LSAMP: variants seen among roughly 807,000 people sequenced by gnomAD.
LSAMP encodes limbic system-associated membrane protein.
LSAMP carries 7 observed loss-of-function variants against 38.6 expected under a neutral mutation model. The observed-to-expected ratio is 0.18, with a 90% CI of 0.10 to 0.34. LSAMP has a LOEUF of 0.34. Among genes scored for constraint, LSAMP ranks in the 10% least tolerant of loss-of-function variants. The pLI, the probability that LSAMP is intolerant of heterozygous loss-of-function variation, is 1.00. For synonymous variants in LSAMP, 154 were observed against 166.8 expected (o/e 0.92, Z 0.59); for missense variants, 313 against 420.0 (o/e 0.75, Z 2.23).
chr3:116,216,679 T>TG (rs1050413443), intron 1 of LSAMP, among the ~76,000 whole-genome samples: 4 of 151,908 alleles, frequency 2.6e-5, no homozygotes, highest in Admixed American at 2.0e-4. Context: ...ATGTGAATAG[T>TG]GAAAAAAAAT....
chr3:115,889,608 G>A (rs1936544693), intron 3 of LSAMP, among the ~76,000 whole-genome samples: 1 of 151,922 alleles, frequency 6.6e-6, no homozygotes, highest in Non-Finnish European at 1.5e-5. Context: ...TGGAGAAGAT[G>A]GCATTGGAGT....
chr3:116,047,203 C>T (rs1309907514), intron 2 of LSAMP, among the ~76,000 whole-genome samples: 2 of 152,072 alleles, frequency 1.3e-5, no homozygotes, highest in Admixed American at 6.5e-5. Flanking sequence ...TTATGATCCT[C>T]TTTCAGAAGC....
chr3:116,046,971 T>A (rs1275044442), intron 2 of LSAMP, among the ~76,000 whole-genome samples: 1 of 152,202 alleles, frequency 6.6e-6, no homozygotes, highest in East Asian at 1.9e-4. Flanking sequence ...TCAGAGTTTT[T>A]CAAATCATCT....
intron 1 of LSAMP, among the ~76,000 whole-genome samples, chr3:116,297,497 A>G (rs939250296): frequency 6.6e-6 from 1 of 151,720 alleles, no homozygotes; most frequent in African/African-American, 2.4e-5. Context: ...AAACAAAATG[A>G]CATTTTTTCT....
At chr3:116,338,889 G>A (rs1025172995) in intron 1 of LSAMP, among the ~76,000 whole-genome samples, 1 of 151,968 alleles carries the variant, frequency 6.6e-6, no homozygotes, top group Non-Finnish European at 1.5e-5. Flanking sequence ...TCGAATCACT[G>A]GGTGCTACCA....
At chr3:116,436,171 C>T (rs532808826) in intron 1 of LSAMP, among the ~76,000 whole-genome samples, 1 of 152,262 alleles carries the variant, frequency 6.6e-6, no homozygotes, top group African/African-American at 2.4e-5. Flanking sequence ...ACTGGATCTT[C>T]ATCTCTCAAC....
chr3:115,873,282 T>A (rs1261160096), intron 3 of LSAMP, among the ~76,000 whole-genome samples: 2 of 151,286 alleles, frequency 1.3e-5, no homozygotes, highest in Non-Finnish European at 2.9e-5. Flanking sequence ...ACTTGGGAGG[T>A]TAAGGCAGGG....
chr3:116,113,615 C>T (rs1211376256), intron 1 of LSAMP, among the ~76,000 whole-genome samples: 2 of 150,664 alleles, frequency 1.3e-5, no homozygotes, highest in Non-Finnish European at 3.0e-5. Flanking sequence ...TTAGTAGAGA[C>T]GGGGTTTCAC....
Position 116,382,315 on chromosome 3 carries a change from T to C in LSAMP, c.155+62562A>G, listed in dbSNP as rs186464670. ...GTGGCACATATACACCATGGAATACTATGCAGCCATAAAAAAGGATGAGTT... is the reference window on the plus strand; with the variant it reads ...GTGGCACATATACACCATGGAATACCATGCAGCCATAAAAAAGGATGAGTT... On this transcript the variant is annotated intron_variant, in intron 1 of 6. Coordinates refer to ENST00000490035, the MANE Select transcript of LSAMP (RefSeq NM_002338.5). Among the ~76,000 whole-genome samples the C allele has an allele frequency of 4.7e-4, 71 of 152,182 alleles. 1 individual carries two copies. The highest frequency in any genetic ancestry group is 1.6e-3 in the African/African-American group (66 of 41,502).
In LSAMP at chr3:116,136,048, G is replaced by A. The variant is rs557412387; in HGVS notation, c.156-49492C>T. ...AATGAGTTATGTTTTTGAAAAGTTT[G>A]TCATTGAATTTGGATATTGATTTGT... On this transcript the variant is annotated intron_variant, in intron 1 of 6. Transcript: ENST00000490035. Among the ~76,000 whole-genome samples, 4 of 152,214 alleles carry A rather than the reference G, an allele frequency of 2.6e-5. No individual in the cohort carries two copies. In the East Asian group the frequency reaches 5.8e-4, roughly 22 times the overall value.
chr3:116,068,112 G>T (rs1707505641), intron 2 of LSAMP, among the ~76,000 whole-genome samples: 1 of 152,018 alleles, frequency 6.6e-6, no homozygotes. Flanking sequence ...AACAAATAAT[G>T]GTTTATAACC....
At chr3:116,072,593 G>A (rs763704121) in intron 2 of LSAMP, among the ~76,000 whole-genome samples, 1 of 151,946 alleles carries the variant, frequency 6.6e-6, no homozygotes, top group African/African-American at 2.4e-5. Flanking sequence ...TTGCCATTTT[G>A]ACTGGTGTGA....
chr3:115,930,008 T>TTTTTC (rs1937556211), intron 3 of LSAMP, among the ~76,000 whole-genome samples: 1 of 136,472 alleles, frequency 7.3e-6, no homozygotes. Flanking sequence ...AGAAGTTTTT[T>TTTTTC]TTTTTTTTTT....
chr3:116,366,861 G>A (rs1275282372), intron 1 of LSAMP, among the ~76,000 whole-genome samples: 2 of 152,108 alleles, frequency 1.3e-5, no homozygotes, highest in African/African-American at 4.8e-5. Flanking sequence ...CCTTATCAAT[G>A]ACACACATTC....
At chr3:115,883,873 A>G (rs1936384622) in intron 3 of LSAMP, among the ~76,000 whole-genome samples, 2 of 152,026 alleles carry the variant, frequency 1.3e-5, no homozygotes, top group Admixed American at 1.3e-4. Flanking sequence ...TGAAAGATAA[A>G]ATAAGAGAGT....
At chr3:115,940,565 T>G (rs1296547017) in intron 3 of LSAMP, among the ~76,000 whole-genome samples, 1 of 152,180 alleles carries the variant, frequency 6.6e-6, no homozygotes, top group Non-Finnish European at 1.5e-5. Flanking sequence ...AATCTTTAAT[T>G]ATTTTGAGTT....
chr3:115,931,882 C>T (rs1170181099), intron 3 of LSAMP, among the ~76,000 whole-genome samples: 4 of 152,160 alleles, frequency 2.6e-5, no homozygotes, highest in Admixed American at 2.6e-4. Context: ...GAGATTTTTA[C>T]CCAGTTTTTA....
intron 1 of LSAMP, among the ~76,000 whole-genome samples, chr3:116,123,630 G>T (rs999608602): frequency 3.9e-5 from 6 of 152,090 alleles, no homozygotes; most frequent in African/African-American, 1.2e-4. Flanking sequence ...GTTTCCTTGG[G>T]TTATCTTTTT....
intron 1 of LSAMP, among the ~76,000 whole-genome samples, chr3:116,346,900 G>A (rs147572459): frequency 1.6e-4 from 24 of 152,122 alleles, no homozygotes; most frequent in African/African-American, 5.1e-4. Flanking sequence ...TTATTTATCC[G>A]CCAGAGTAAG....
Sources: allele counts gnomAD v4.1 joint callset (sites outside exome capture counted in the v4.1 genomes callset), GRCh38; gene constraint gnomAD v4.1.1; transcripts MANE v1.5; gene names NCBI Gene and HGNC (gene_info 2026-07-23, HGNC 2026-07-21).